The following KLHL2 variants were observed in gnomAD, a reference collection of about 807,000 sequenced individuals.
The protein encoded by KLHL2 is kelch-like protein 2.
KLHL2 carries 15 observed loss-of-function variants against 75.8 expected under a neutral mutation model. That is an observed-to-expected ratio of 0.20 (90% confidence interval 0.13 to 0.30). The LOEUF (loss-of-function observed/expected upper bound fraction) is 0.30. Among genes scored for constraint, KLHL2 ranks in the 10% least tolerant of loss-of-function variants. The probability of loss-of-function intolerance (pLI) is 1.00; values close to 1 mark genes in which losing one functional copy is unlikely to be tolerated. For missense variants in KLHL2, 381 were observed against 741.0 expected, an observed-to-expected ratio of 0.51 and a Z score of 5.64; for synonymous variants, 214 against 251.9, an observed-to-expected ratio of 0.85 and a Z score of 1.42.
At chr4:165,287,732 G>C (rs1200268570) in intron 5 of KLHL2, among the ~76,000 whole-genome samples, 1 of 152,112 alleles carries the variant, frequency 6.6e-6, no homozygotes, top group East Asian at 1.9e-4. Context: ...TTGTGGTTTT[G>C]AGTTGTATTT....
intron 3 of KLHL2, among the ~76,000 whole-genome samples, chr4:165,232,878 CTTTTTTTTTTTTTTTT>C (rs912954260): frequency 5.7e-5 from 3 of 52,570 alleles, no homozygotes; most frequent in African/African-American, 1.6e-4. Flanking sequence ...CCCTGTTAAG[CTTTTTTTTTTTTTTTT>C]TTTTTTTTTT....
intron 11 of KLHL2, 137 bp from the exon 12 acceptor site, chr4:165,313,100 TA>T: frequency 1.3e-6 from 1 of 767,694 alleles, no homozygotes; most frequent in Non-Finnish European, 2.0e-6. Flanking sequence ...ATATATTTCA[TA>T]AAAATCAGCA....
chr4:165,230,607 G>A (rs1474960385), intron 3 of KLHL2, among the ~76,000 whole-genome samples: 1 of 150,798 alleles, frequency 6.6e-6, no homozygotes, highest in Admixed American at 6.6e-5. Context: ...TGTCCACAGA[G>A]TGACAAAAAT....
Position 165,207,721 on chromosome 4 carries a change from C to T in KLHL2, c.-156C>T, listed in dbSNP as rs1014561376. ...GAGCGGGCCATGGCCGCGGGGGCCG[C>T]CGCCGCAGGTGGTGGCGCGCGGTGA... On this transcript the variant is annotated 5_prime_UTR_variant, in exon 1 of 15. Coordinates refer to ENST00000226725, the MANE Select transcript of KLHL2 (RefSeq NM_007246.4). The surrounding 1 kb of genome is among the most constrained non-coding windows in gnomAD (Gnocchi z 4.2). The T allele has an allele frequency of 1.4e-5, 5 of 347,102 alleles. No homozygotes were observed. The highest frequency in any genetic ancestry group is 1.1e-4 in the Admixed American group (2 of 17,682). The allele number at this position is 347,102 out of a possible 1,614,324, so 21.5% of individuals were successfully genotyped here.
chr4:165,250,642 C>A (rs1034546583), intron 4 of KLHL2, among the ~76,000 whole-genome samples: 2 of 152,104 alleles, frequency 1.3e-5, no homozygotes, highest in Admixed American at 6.6e-5. Flanking sequence ...GCATTGAAAT[C>A]GTGTAAAAAT....
At chr4:165,306,177 A>AT (rs1174118054) in intron 9 of KLHL2, among the ~76,000 whole-genome samples, 1 of 152,264 alleles carries the variant, frequency 6.6e-6, no homozygotes, top group African/African-American at 2.4e-5. Context: ...AGAAGCAGTT[A>AT]TTATACAAAC....
intron 5 of KLHL2, among the ~76,000 whole-genome samples, chr4:165,282,314 T>A (rs1477172764): frequency 6.6e-6 from 1 of 152,202 alleles, no homozygotes; most frequent in Admixed American, 6.5e-5. Context: ...TACAGTAGGA[T>A]GAAAAAGAAT....
At chr4:165,263,415 G>C in intron 5 of KLHL2, 56 bp downstream of exon 5, 1 of 1,597,406 alleles carries the variant, frequency 6.3e-7, no homozygotes, top group East Asian at 2.2e-5. Flanking sequence ...TTTTTGATAT[G>C]ATTCCACAGT....
chr4:165,243,554 T>C (rs1030761164), intron 4 of KLHL2, among the ~76,000 whole-genome samples: 5 of 152,248 alleles, frequency 3.3e-5, no homozygotes, highest in Non-Finnish European at 7.3e-5. Context: ...TTTCTATCTC[T>C]TTAGAAATGA....
chr4:165,277,950 G>T (rs1560796475), intron 5 of KLHL2: 6 of 979,672 alleles, frequency 6.1e-6, no homozygotes, highest in Non-Finnish European at 6.6e-6. Flanking sequence ...TATGTAAAAA[G>T]CTCGCATCTT....
At chr4:165,250,616 A>G (rs1010250123) in intron 4 of KLHL2, among the ~76,000 whole-genome samples, 2 of 152,246 alleles carry the variant, frequency 1.3e-5, no homozygotes, top group African/African-American at 4.8e-5. Flanking sequence ...AATGAGGCCA[A>G]CAGTGCTTTG....
At position 165,319,602 on chromosome 4, in the gene KLHL2, C is replaced by T. The variant is rs1396156851; in HGVS notation, c.1753+1633C>T. 4.6e-5 allele frequency among the ~76,000 whole-genome samples: 7 copies of T among 152,072 alleles called. No homozygotes were observed. Among genetic ancestry groups the T allele is most frequent in the Non-Finnish European group, 7.4e-5 (5 of 68,012 alleles). ...AAATCCCTTTTTATCTTGTGTTGAA[C>T]ATGCAGCTTTTATGTGGGTGCAGGA... is the stretch of plus-strand genomic sequence containing the variant. On this transcript the variant is annotated intron_variant, in intron 14 of 14. Transcript: ENST00000226725. This position sits in a 1 kb window ranked among gnomAD's most constrained non-coding sequence, Gnocchi z 4.5.
intron 1 of KLHL2, among the ~76,000 whole-genome samples, chr4:165,218,451 T>C (rs751632044): frequency 6.2e-4 from 94 of 152,158 alleles, no homozygotes; most frequent in Non-Finnish European, 1.1e-3. Flanking sequence ...TTTGTTCAAA[T>C]CTCAGTTCTC....
At chr4:165,321,810 C>A (rs1384278852) in intron 14 of KLHL2, among the ~76,000 whole-genome samples, 1 of 152,106 alleles carries the variant, frequency 6.6e-6, no homozygotes, top group Non-Finnish European at 1.5e-5. Context: ...AAGACTAGTT[C>A]TGGATTAAAT....
chr4:165,215,081 A>G (rs1560973559), intron 1 of KLHL2, among the ~76,000 whole-genome samples: 1 of 152,230 alleles, frequency 6.6e-6, no homozygotes, highest in East Asian at 1.9e-4. Flanking sequence ...ATGTTTGTAG[A>G]TTAGTCTACT....
At chr4:165,286,543 C>G (rs867586311) in intron 5 of KLHL2, among the ~76,000 whole-genome samples, 1 of 151,964 alleles carries the variant, frequency 6.6e-6, no homozygotes, top group Non-Finnish European at 1.5e-5. Context: ...AAGGTAGAAA[C>G]ATATATAGAA....
At position 165,207,856 on chromosome 4, in the gene KLHL2, T is replaced by G; in HGVS notation, c.-21T>G. The G allele has an allele frequency of 1.4e-6, 2 of 1,451,504 alleles. No homozygotes were observed. Among genetic ancestry groups the G allele is most frequent in the South Asian group, 1.3e-5 (1 of 77,470 alleles). The allele number at this position is 1,451,504 out of a possible 1,614,324, so 89.9% of individuals were successfully genotyped here. A position where few individuals can be genotyped will look rare whatever the true frequency, so the allele number is the denominator to read the frequency against. On this transcript the variant is annotated 5_prime_UTR_variant, in exon 1 of 15. An upstream open reading frame in the 5' UTR loses its in-frame stop. Transcript: ENST00000226725. This position sits in a 1 kb window ranked among gnomAD's most constrained non-coding sequence, Gnocchi z 4.2. ...GCTGTGTTGGTCGGTGCCTGCGTTC[T>G]GAAGCCCGAGAGGAGCCACAATGGA...
intron 5 of KLHL2, among the ~76,000 whole-genome samples, chr4:165,287,071 G>A (rs1744150047): frequency 6.6e-6 from 1 of 152,124 alleles, no homozygotes; most frequent in Non-Finnish European, 1.5e-5. Flanking sequence ...TCATGTATAA[G>A]TACTTGCTTT....
At chr4:165,292,829 A>G (rs1395633866) in intron 5 of KLHL2, among the ~76,000 whole-genome samples, 1 of 152,208 alleles carries the variant, frequency 6.6e-6, no homozygotes, top group East Asian at 1.9e-4. Context: ...TGAAATAAAT[A>G]TGGTTCATTG....
Sources: allele counts gnomAD v4.1 joint callset (sites outside exome capture counted in the v4.1 genomes callset), GRCh38; gene constraint gnomAD v4.1.1; non-coding constraint Gnocchi (gnomAD v3.1); transcripts MANE v1.5; gene names NCBI Gene and HGNC (gene_info 2026-07-23, HGNC 2026-07-21).